ZBTB40: variants seen among roughly 807,000 people sequenced by gnomAD.
ZBTB40 encodes zinc finger and BTB domain containing 40.
A neutral mutation model predicts 117.5 loss-of-function variants in ZBTB40; 60 were observed. That is an observed-to-expected ratio of 0.51 (90% CI 0.41 to 0.63). ZBTB40 has a LOEUF of 0.63. Among genes scored for constraint, ZBTB40 ranks in the 30% least tolerant of loss-of-function variants. The probability of loss-of-function intolerance (pLI) is 0.00; values close to 1 mark genes in which losing one functional copy is unlikely to be tolerated. For missense variants in ZBTB40, 1,287 were observed against 1,498.5 expected (o/e 0.86, Z 2.33); for synonymous variants, 525 against 577.1 (o/e 0.91, Z 1.29).
In ZBTB40 at chr1:22,511,774, G is replaced by A. The variant is rs1185482073; in HGVS notation, c.2101G>A (p.Glu701Lys). 3 of 1,610,380 alleles carry A rather than the reference G, an allele frequency of 1.9e-6. No individual in the cohort carries two copies. The South Asian group carries it at 3.3e-5, about 18-fold the overall frequency. ...NNKEDEKAAK[E>K]DSQPGEQNDQ... ...CAAAGAAGATGAAAAGGCAGCCAAAGAAGACAGCCAGCCTGGGGAACAGAA... is the reference window on the plus strand; with the variant it reads ...CAAAGAAGATGAAAAGGCAGCCAAAAAAGACAGCCAGCCTGGGGAACAGAA... The change falls in exon 11 of 18, where the codon GAA (glutamate) becomes AAA (lysine). Residue 701 changes from glutamate (E) to lysine (K), a missense_variant. By Grantham distance (56) the Glu-to-Lys change is moderately conservative. Coordinates refer to ENST00000375647, the MANE Select transcript of ZBTB40 (RefSeq NM_014870.4).
chr1:22,489,972 G>T lies in ZBTB40; in HGVS notation c.24G>T (p.Arg8=), dbSNP rs1397045118. The T allele has an allele frequency of 1.9e-6, 3 of 1,612,440 alleles. No homozygotes were observed. The highest frequency in any genetic ancestry group is 1.3e-5 in the African/African-American group (1 of 74,878). Residue 8 remains arginine, a synonymous_variant, in exon 2 of 18, where the codon CGG becomes CGT. Transcript: ENST00000375647. MELPNYS[R]QLLQQLYTLC... is the part of the protein sequence containing the mutation. ...CAATGGAGCTCCCCAACTACAGCCG[G>T]CAGCTGCTGCAGCAGCTGTACACTC...
At chr1:22,471,448 A>C (rs1641401765) in intron 1 of ZBTB40, among the ~76,000 whole-genome samples, 1 of 152,234 alleles carries the variant, frequency 6.6e-6, no homozygotes, top group East Asian at 1.9e-4. Context: ...CAAACTTATT[A>C]GCTGTGTGGT....
At chr1:22,499,792 C>G (rs1438503761) in intron 3 of ZBTB40, among the ~76,000 whole-genome samples, 1 of 152,150 alleles carries the variant, frequency 6.6e-6, no homozygotes, top group African/African-American at 2.4e-5. Flanking sequence ...TTTATAATTT[C>G]TATTTGGGAG....
At chr1:22,486,844 T>C (rs775913680) in intron 1 of ZBTB40, among the ~76,000 whole-genome samples, 18 of 152,324 alleles carry the variant, frequency 1.2e-4, no homozygotes, top group Admixed American at 1.0e-3. Context: ...CAAGTTATTC[T>C]CCTGCCTCAG....
intron 13 of ZBTB40, among the ~76,000 whole-genome samples, chr1:22,519,263 C>T (rs1639456761): frequency 6.6e-6 from 1 of 152,228 alleles, no homozygotes; most frequent in African/African-American, 2.4e-5. Flanking sequence ...AAGTTTCCTG[C>T]CATAGGATGG....
intron 1 of ZBTB40, among the ~76,000 whole-genome samples, chr1:22,435,623 C>T (rs1640660115): frequency 6.6e-6 from 1 of 151,602 alleles, no homozygotes; most frequent in South Asian, 2.1e-4. Flanking sequence ...TGTATTGCTC[C>T]TAATTTTAGG....
rs779462650 is a variant in ZBTB40 at position 22,524,441 on chromosome 1, G to T, written c.3522G>T (p.Ala1174=). 1.9e-6 allele frequency: 3 copies of T among 1,613,234 alleles called. No individual in the cohort carries two copies. Among genetic ancestry groups the T allele is most frequent in the Non-Finnish European group, 2.5e-6 (3 of 1,180,008 alleles). The change falls in exon 17 of 18, where the codon GCG becomes GCT. Residue 1174 remains alanine (A), a synonymous_variant. Coordinates refer to ENST00000375647, the MANE Select transcript of ZBTB40 (RefSeq NM_014870.4). ...CCCAGGCCGCAGCCTCACAGATGGCGCAGGTGATTCTGGGGCCATCAGCTA... is the reference window on the plus strand; with the variant it reads ...CCCAGGCCGCAGCCTCACAGATGGCTCAGGTGATTCTGGGGCCATCAGCTA... ...TETQAAASQM[A]QVIQTPEPVA...
At chr1:22,492,877 G>A (rs1638671423) in intron 3 of ZBTB40, among the ~76,000 whole-genome samples, 1 of 152,134 alleles carries the variant, frequency 6.6e-6, no homozygotes, top group Non-Finnish European at 1.5e-5. Flanking sequence ...TCTCTTAACT[G>A]TTCAATCCAT....
chr1:22,499,113 G>T (rs1638856905), intron 3 of ZBTB40, among the ~76,000 whole-genome samples: 1 of 152,186 alleles, frequency 6.6e-6, no homozygotes, highest in African/African-American at 2.4e-5. Flanking sequence ...AGGCTCAACT[G>T]GGGGAGTATC....
chr1:22,448,226 A>C (rs1258529511), upstream of ZBTB40, among the ~76,000 whole-genome samples: 4 of 152,254 alleles, frequency 2.6e-5, no homozygotes, highest in Non-Finnish European at 4.4e-5. Context: ...TAATAAAATT[A>C]TGTCAATCGA....
upstream of ZBTB40, among the ~76,000 whole-genome samples, chr1:22,447,394 G>A (rs1640801758): frequency 6.6e-6 from 1 of 152,124 alleles, no homozygotes; most frequent in Non-Finnish European, 1.5e-5. Flanking sequence ...ATCAAGACTT[G>A]GTGAGTGGTT....
chr1:22,458,995 T>C (rs377179224), intron 1 of ZBTB40, among the ~76,000 whole-genome samples: 2 of 152,218 alleles, frequency 1.3e-5, no homozygotes, highest in South Asian at 2.1e-4. Flanking sequence ...TCTCCTGTCT[T>C]GCTAACAAAG....
rs1487586951 is a variant in ZBTB40 at position 22,490,174 on chromosome 1, G to T, written c.226G>T (p.Glu76Ter). ...VSPEEFALLL[E>*]MMYTGKLPVG... ...CCCCGAGGAGTTTGCGCTCTTGTTG[G>T]AAATGATGTACACGGGCAAACTACC... is the stretch of plus-strand genomic sequence containing the variant. The change falls in exon 2 of 18, where the codon GAA (glutamate) becomes TAA (stop). Residue 76 changes from glutamate (E) to a stop codon, truncating the protein, a stop_gained. Coordinates refer to ENST00000375647, the MANE Select transcript of ZBTB40 (RefSeq NM_014870.4). LOFTEE classifies it high-confidence loss of function. 13 of 1,614,048 alleles carry T rather than the reference G, an allele frequency of 8.1e-6. No individual in the cohort carries two copies. In the East Asian group the frequency reaches 2.9e-4, roughly 36 times the overall value.
At chr1:22,433,758 A>G (rs756496774) in intron 1 of ZBTB40, among the ~76,000 whole-genome samples, 2 of 151,544 alleles carry the variant, frequency 1.3e-5, no homozygotes, top group African/African-American at 2.4e-5. Context: ...TTAAAACTAC[A>G]TAATACAGCC....
chr1:22,468,046 A>T (rs1641300469), intron 1 of ZBTB40, among the ~76,000 whole-genome samples: 1 of 151,130 alleles, frequency 6.6e-6, no homozygotes, highest in South Asian at 2.1e-4. Context: ...CCAAGGTCGC[A>T]CCACTGTACT....
In ZBTB40 at chr1:22,528,361, G is replaced by A. The variant is rs1003827792; in HGVS notation, c.*1965G>A. On this transcript the variant is annotated 3_prime_UTR_variant, in exon 18 of 18. Transcript: ENST00000375647. ...ATGGGGCTTGGGAGTTGCAGTGAAT[G>A]TCATTAAAATTTCTTCCAAAACAAA... 1 of 152,324 alleles carries A rather than the reference G, an allele frequency of 6.6e-6. No individual in the cohort carries two copies. The highest frequency in any genetic ancestry group is 2.4e-5 in the African/African-American group (1 of 41,426). 9.4% of individuals were successfully genotyped at this position (152,324 alleles called of 1,614,324 possible).
chr1:22,510,521 GT>G (rs1639203258), intron 9 of ZBTB40, among the ~76,000 whole-genome samples: 1 of 152,160 alleles, frequency 6.6e-6, no homozygotes. Flanking sequence ...TGAAAATTCC[GT>G]TTGGCCATCT....
intron 1 of ZBTB40, among the ~76,000 whole-genome samples, chr1:22,483,827 A>G (rs1389945944): frequency 6.6e-6 from 1 of 152,224 alleles, no homozygotes; most frequent in African/African-American, 2.4e-5. Context: ...AGACTGCCAT[A>G]GCCAAAGTCA....
At chr1:22,438,488 G>T (rs1640697456) in intron 1 of ZBTB40, among the ~76,000 whole-genome samples, 1 of 152,186 alleles carries the variant, frequency 6.6e-6, no homozygotes, top group Non-Finnish European at 1.5e-5. Flanking sequence ...GAACATGGGT[G>T]TACAAATATC....
Sources: allele counts gnomAD v4.1 joint callset (sites outside exome capture counted in the v4.1 genomes callset), GRCh38; gene constraint gnomAD v4.1.1; transcripts MANE v1.5; gene names NCBI Gene and HGNC (gene_info 2026-07-23, HGNC 2026-07-21).